WWC1: variants seen among roughly 807,000 people sequenced by gnomAD.
The protein encoded by WWC1 is WW and C2 domain containing 1.
A neutral mutation model predicts 138.4 loss-of-function variants in WWC1; 55 were observed. That is an observed-to-expected ratio of 0.40 (90% CI 0.32 to 0.50). The LOEUF is 0.50. WWC1 is among the 20% of genes least tolerant of loss of function. WWC1 has a pLI of 0.72. For missense variants in WWC1, 1,226 were observed against 1,420.4 expected (o/e 0.86, Z 2.20); for synonymous variants, 524 against 564.9 (o/e 0.93, Z 1.03).
intron 3 of WWC1, 42 bp from the exon 4 acceptor site, chr5:168,397,682 G>A: frequency 5.6e-6 from 9 of 1,609,958 alleles, no homozygotes; most frequent in Non-Finnish European, 7.6e-6. Context: ...GCTGAAATCT[G>A]TTTCTTCTAC....
At position 168,292,513 on chromosome 5, in the gene WWC1, G is replaced by T. The variant is rs1021244221; in HGVS notation, c.119+242G>T. On this transcript the variant is annotated intron_variant, in intron 1 of 22. Coordinates refer to ENST00000265293, the MANE Select transcript of WWC1 (RefSeq NM_015238.3). This position sits in a 1 kb window ranked among gnomAD's most constrained non-coding sequence, Gnocchi z 4.4. ...GGCTGCCCCACCGCCATCCCCAGTT[G>T]GAGGACTTAGGCCCCAGCCGGCACC... Among the ~76,000 whole-genome samples, 5 of 152,024 alleles carry T rather than the reference G, an allele frequency of 3.3e-5. 1 individual carries two copies. In the South Asian group the frequency reaches 6.2e-4, roughly 19 times the overall value.
chr5:168,439,605 C>A, intron 15 of WWC1, among the ~76,000 whole-genome samples: 1 of 149,154 alleles, frequency 6.7e-6, no homozygotes, highest in South Asian at 2.1e-4. Flanking sequence ...CCAGCAGCCT[C>A]GGCAACAAGA....
intron 22 of WWC1, 97 bp downstream of exon 22, chr5:168,468,061 C>T: frequency 6.5e-7 from 1 of 1,544,344 alleles, no homozygotes; most frequent in Non-Finnish European, 8.8e-7. Context: ...CCCTTGCTCA[C>T]AGAGCACTGG....
At chr5:168,411,779 G>C (rs1209068869) in intron 8 of WWC1, 3 of 169,580 alleles carry the variant, frequency 1.8e-5, no homozygotes, top group Non-Finnish European at 3.6e-5. Flanking sequence ...GGTGAACCAA[G>C]CTTTGTTACA....
chr5:168,461,796 A>T (rs981473642), intron 20 of WWC1, among the ~76,000 whole-genome samples: 1 of 152,168 alleles, frequency 6.6e-6, no homozygotes, highest in African/African-American at 2.4e-5. Context: ...GTGGTGGCTC[A>T]CGCCTGTAAT....
At chr5:168,408,037 T>TTC (rs1364509559) in intron 6 of WWC1, among the ~76,000 whole-genome samples, 2 of 148,814 alleles carry the variant, frequency 1.3e-5, no homozygotes, top group East Asian at 1.9e-4. Flanking sequence ...TATTTTTTTT[T>TTC]TTTTTTTTTT....
At chr5:168,395,522 A>G (rs1039027853) in intron 3 of WWC1, among the ~76,000 whole-genome samples, 1 of 152,198 alleles carries the variant, frequency 6.6e-6, no homozygotes, top group East Asian at 1.9e-4. Context: ...ATAACATTAT[A>G]ATATTATAAC....
At chr5:168,427,538 CTT>C (rs1306657651) in intron 11 of WWC1, among the ~76,000 whole-genome samples, 2 of 135,428 alleles carry the variant, frequency 1.5e-5, no homozygotes, top group Non-Finnish European at 3.1e-5. Context: ...CTAAAGCAAA[CTT>C]TTTTTTAATT....
intron 1 of WWC1, among the ~76,000 whole-genome samples, chr5:168,331,230 A>G (rs1773009950): frequency 6.6e-6 from 1 of 152,234 alleles, no homozygotes; most frequent in East Asian, 1.9e-4. Context: ...TCCAAGATAC[A>G]TGATGGAGCA....
intron 1 of WWC1, among the ~76,000 whole-genome samples, chr5:168,359,214 T>G (rs1250861472): frequency 6.6e-6 from 1 of 152,024 alleles, no homozygotes; most frequent in African/African-American, 2.4e-5. Flanking sequence ...CGCCACCATG[T>G]CTGGCTAATT....
At chr5:168,339,967 C>CT (rs1358357845) in intron 1 of WWC1, among the ~76,000 whole-genome samples, 16 of 125,152 alleles carry the variant, frequency 1.3e-4, no homozygotes, top group African/African-American at 4.4e-4. Flanking sequence ...CTCTCTCTCT[C>CT]TGTCTCTCTT....
Position 168,411,871 on chromosome 5 carries a change from G to A in WWC1, c.941+1876G>A, listed in dbSNP as rs936618568. The A allele has an allele frequency of 9.5e-6, 6 of 633,788 alleles. No individual in the cohort carries two copies. In the African/African-American group the frequency reaches 1.0e-4, roughly 11 times the overall value. The allele number at this position is 633,788 out of a possible 1,614,324, so 39.3% of individuals were successfully genotyped here. A position where few individuals can be genotyped will look rare whatever the true frequency, so the allele number is the denominator to read the frequency against. On this transcript the variant is annotated intron_variant, in intron 8 of 22. Coordinates refer to ENST00000265293, the MANE Select transcript of WWC1 (RefSeq NM_015238.3). ...TTTCCAGTGCTGGGAAAAGTCAGCTGTATGGGAACCAGGTGACTTGAAAGT... is the reference window on the plus strand; with the variant it reads ...TTTCCAGTGCTGGGAAAAGTCAGCTATATGGGAACCAGGTGACTTGAAAGT...
At chr5:168,367,566 G>A (rs1489881487) in intron 1 of WWC1, among the ~76,000 whole-genome samples, 1 of 151,286 alleles carries the variant, frequency 6.6e-6, no homozygotes, top group Non-Finnish European at 1.5e-5. Context: ...TGATCCGCCC[G>A]CCTCGGCCTC....
intron 4 of WWC1, among the ~76,000 whole-genome samples, 156 bp downstream of exon 4, chr5:168,397,956 A>G (rs925700166): frequency 4.6e-5 from 7 of 152,192 alleles, no homozygotes; most frequent in African/African-American, 1.2e-4. Context: ...CGGTAGTCAC[A>G]GTAATAGTAA....
intron 15 of WWC1, among the ~76,000 whole-genome samples, chr5:168,440,970 T>G (rs989769015): frequency 1.3e-5 from 2 of 152,108 alleles, no homozygotes; most frequent in African/African-American, 4.8e-5. Flanking sequence ...TATTCAGCCT[T>G]AAAAAGAAAG....
chr5:168,463,371 T>G (rs893758294), intron 20 of WWC1, among the ~76,000 whole-genome samples: 35 of 152,048 alleles, frequency 2.3e-4, no homozygotes, highest in Non-Finnish European at 4.6e-4. Context: ...CAGCTGGGGG[T>G]TTAGGGGAGC....
At position 168,414,133 on chromosome 5, in the gene WWC1, C is replaced by T. The variant is rs979198773; in HGVS notation, c.942-215C>T. ...AAGGACATTGCCTTGTTCATGTCTG[C>T]ACCCCATTCCTGCAGAGCCTACTTC... On this transcript the variant is annotated intron_variant, in intron 8 of 22. Transcript: ENST00000265293. 1.0e-5 allele frequency: 6 copies of T among 594,016 alleles called. No homozygotes were observed. In the African/African-American group the frequency reaches 1.1e-4, roughly 11 times the overall value. The allele number at this position is 594,016 out of a possible 1,614,324, so 36.8% of individuals were successfully genotyped here.
At chr5:168,355,339 C>T (rs528211203) in intron 1 of WWC1, among the ~76,000 whole-genome samples, 10 of 151,980 alleles carry the variant, frequency 6.6e-5, no homozygotes, top group Middle Eastern at 3.4e-3. Flanking sequence ...ACTAAAACTA[C>T]AAAAATTAGC....
At chr5:168,359,462 C>G (rs1033812694) in intron 1 of WWC1, among the ~76,000 whole-genome samples, 8 of 152,126 alleles carry the variant, frequency 5.3e-5, no homozygotes, top group Admixed American at 3.3e-4. Context: ...TGTTGTTTGG[C>G]TGTACCACAG....
Sources: gnomAD v4.1 joint callset for allele counts (sites outside exome capture counted in the v4.1 genomes callset) on GRCh38, gnomAD v4.1.1 for gene constraint, Gnocchi (gnomAD v3.1) non-coding constraint, MANE v1.5 for transcripts, NCBI Gene and HGNC (gene_info 2026-07-23, HGNC 2026-07-21) for gene names.